Variants in CAST observed in about 807,000 individuals in gnomAD.
The protein encoded by CAST is MIR583 host.
In CAST, 76 loss-of-function variants were observed where a neutral mutation model predicts 119.6. That is an observed-to-expected ratio of 0.64 (90% CI 0.53 to 0.77). CAST has a LOEUF of 0.77. Ranked by LOEUF, CAST falls within the 30% of genes least tolerant of loss-of-function variation. The pLI, the probability that CAST is intolerant of heterozygous loss-of-function variation, is 0.00. For missense variants in CAST, 953 were observed against 946.5 expected, an observed-to-expected ratio of 1.01 and a Z score of -0.09; for synonymous variants, 319 against 331.6, an observed-to-expected ratio of 0.96 and a Z score of 0.41.
chr5:95,986,538 A>G, the CAST span, among the ~76,000 whole-genome samples: 1 of 152,178 alleles, frequency 6.6e-6, no homozygotes, highest in Non-Finnish European at 1.5e-5. Flanking sequence ...CCCTTGGAGT[A>G]CATATGGATA....
At chr5:96,049,741 C>G in the CAST span, among the ~76,000 whole-genome samples, 9 of 151,642 alleles carry the variant, frequency 5.9e-5, no homozygotes, top group African/African-American at 2.2e-4. Flanking sequence ...ACAGTTGGCT[C>G]TGTGAGTCTG....
the CAST span, among the ~76,000 whole-genome samples, chr5:96,362,083 G>A: frequency 6.6e-6 from 1 of 151,996 alleles, no homozygotes; most frequent in Non-Finnish European, 1.5e-5. Flanking sequence ...AACATGCGGT[G>A]TTTGGTTTTC....
chr5:96,616,428 T>G (rs1747456441), intron 1 of CAST, among the ~76,000 whole-genome samples: 1 of 152,160 alleles, frequency 6.6e-6, no homozygotes, highest in South Asian at 2.1e-4. Context: ...GACAAGAAGC[T>G]TCTAGAAGTC....
At chr5:96,449,852 T>C in the CAST span, among the ~76,000 whole-genome samples, 605 of 152,330 alleles carry the variant, frequency 4.0e-3, 10 homozygotes, top group African/African-American at 0.013. Flanking sequence ...CATCAAGGAT[T>C]CTCTTACCAC....
At chr5:96,479,449 C>CT in the CAST span, among the ~76,000 whole-genome samples, 1 of 131,428 alleles carries the variant, frequency 7.6e-6, no homozygotes. Flanking sequence ...GCCAGGCACT[C>CT]CTTATTTTTT....
chr5:96,271,618 T>A, the CAST span, among the ~76,000 whole-genome samples: 1 of 150,488 alleles, frequency 6.6e-6, no homozygotes, highest in Non-Finnish European at 1.5e-5. Flanking sequence ...GATTAAAGAC[T>A]TAAACCTAAG....
intron 1 of CAST, among the ~76,000 whole-genome samples, chr5:96,605,939 A>G (rs1198235846): frequency 6.6e-6 from 1 of 152,166 alleles, no homozygotes; most frequent in Non-Finnish European, 1.5e-5. Context: ...TGATAACTGT[A>G]TTTGAAAGAA....
At chr5:96,118,890 A>C in the CAST span, among the ~76,000 whole-genome samples, 1 of 150,724 alleles carries the variant, frequency 6.6e-6, no homozygotes, top group African/African-American at 2.4e-5. Context: ...TGTGTTTCTC[A>C]TGGGCTACTC....
chr5:96,047,165 T>C, the CAST span, among the ~76,000 whole-genome samples: 1 of 152,338 alleles, frequency 6.6e-6, no homozygotes, highest in East Asian at 1.9e-4. Flanking sequence ...GCTTAAAACA[T>C]AGCAAGTTCT....
chr5:96,556,384 A>C (rs1341834274), intron 1 of CAST, among the ~76,000 whole-genome samples: 1 of 152,266 alleles, frequency 6.6e-6, no homozygotes, highest in Non-Finnish European at 1.5e-5. Context: ...AGTTGAGAGA[A>C]GAAGGCTTCA....
At chr5:96,568,564 CAAAAAAAA>C (rs70981830) in intron 1 of CAST, among the ~76,000 whole-genome samples, 38 of 70,922 alleles carry the variant, frequency 5.4e-4, no homozygotes, top group African/African-American at 2.2e-3. Context: ...GACTCCATCT[CAAAAAAAA>C]AAAAAAAAAA....
At chr5:96,139,728 A>G in the CAST span, among the ~76,000 whole-genome samples, 1 of 151,882 alleles carries the variant, frequency 6.6e-6, no homozygotes, top group African/African-American at 2.4e-5. Context: ...TTTCTTCTGT[A>G]AGTAGATAAT....
chr5:96,708,008 A>C lies in CAST; in HGVS notation c.210+12101A>C, dbSNP rs111869010. On this transcript the variant is annotated intron_variant, in intron 3 of 31. Coordinates refer to ENST00000675179, the MANE Select transcript of CAST (RefSeq NM_001750.7). ...AATCACTTATACATTTTTCAGTTACATGTGCTTTTTCCTTATTGTGAATGT... is the reference window on the plus strand; with the variant it reads ...AATCACTTATACATTTTTCAGTTACCTGTGCTTTTTCCTTATTGTGAATGT... 4.3e-3 allele frequency among the ~76,000 whole-genome samples: 653 copies of C among 152,252 alleles called. 11 individuals carry two copies. Among genetic ancestry groups the C allele is most frequent in the African/African-American group, 0.015 (617 of 41,540 alleles).
the CAST span, among the ~76,000 whole-genome samples, chr5:96,120,600 C>A: frequency 2.0e-5 from 3 of 150,438 alleles, no homozygotes; most frequent in Non-Finnish European, 4.4e-5. Flanking sequence ...TCCCCATCAT[C>A]TCTTGCCTGG....
the CAST span, among the ~76,000 whole-genome samples, chr5:96,234,188 T>C: frequency 6.6e-6 from 1 of 152,198 alleles, no homozygotes; most frequent in Non-Finnish European, 1.5e-5. Flanking sequence ...TCAGGGTCTG[T>C]CAAAGTTTAT....
chr5:96,492,813 GCCCCATGC>G, the CAST span, among the ~76,000 whole-genome samples: 1 of 152,280 alleles, frequency 6.6e-6, no homozygotes, highest in African/African-American at 2.4e-5. Flanking sequence ...CTAAAGAGAG[GCCCCATGC>G]CAGATTAACT....
the CAST span, among the ~76,000 whole-genome samples, chr5:96,366,945 C>A: frequency 1.3e-5 from 2 of 152,104 alleles, no homozygotes; most frequent in Non-Finnish European, 2.9e-5. Flanking sequence ...TGTTTTTTCC[C>A]CATCTTTTTG....
At chr5:96,333,403 G>T in the CAST span, among the ~76,000 whole-genome samples, 34 of 152,242 alleles carry the variant, frequency 2.2e-4, no homozygotes, top group Non-Finnish European at 4.3e-4. Context: ...CTAGGTGGCC[G>T]GGCAAGTCTC....
chr5:96,536,590 G>T (rs1470352198), intron 1 of CAST, among the ~76,000 whole-genome samples: 1 of 152,130 alleles, frequency 6.6e-6, no homozygotes, highest in African/African-American at 2.4e-5. Flanking sequence ...AAAGAGTAAG[G>T]TACAGGTATG....
Sources: gnomAD v4.1 joint callset for allele counts (sites outside exome capture counted in the v4.1 genomes callset) on GRCh38, gnomAD v4.1.1 for gene constraint, MANE v1.5 for transcripts, NCBI Gene and HGNC (gene_info 2026-07-23, HGNC 2026-07-21) for gene names.